FSHR: variants seen among roughly 807,000 people sequenced by gnomAD.
FSHR encodes the protein follicle stimulating hormone receptor, also known as follicle-stimulating hormone receptor.
Under a neutral mutation model 52.1 loss-of-function variants are expected in FSHR, and 46 were observed. That is an observed-to-expected ratio of 0.88 (90% confidence interval 0.70 to 1.13). The LOEUF is 1.13. FSHR is among the 50% of genes most tolerant of loss of function. The probability of loss-of-function intolerance (pLI) is 0.00; values close to 1 mark genes in which losing one functional copy is unlikely to be tolerated. For missense variants in FSHR, 964 were observed against 834.6 expected (o/e 1.16, Z -1.91); for synonymous variants, 399 against 309.6 (o/e 1.29, Z -3.03).
chr2:49,120,234 G>C (rs1037184178), intron 1 of FSHR, among the ~76,000 whole-genome samples: 1 of 152,176 alleles, frequency 6.6e-6, no homozygotes, highest in Non-Finnish European at 1.5e-5. Flanking sequence ...TCATGCCACT[G>C]CACTCCAGCC....
chr2:48,998,390 T>C (rs1274008024), intron 4 of FSHR, among the ~76,000 whole-genome samples: 1 of 152,128 alleles, frequency 6.6e-6, no homozygotes, highest in African/African-American at 2.4e-5. Flanking sequence ...ATATGAAAAC[T>C]CTCATAGTAT....
intron 1 of FSHR, among the ~76,000 whole-genome samples, chr2:49,100,822 AT>A (rs1427772468): frequency 6.6e-6 from 1 of 152,190 alleles, no homozygotes; most frequent in African/African-American, 2.4e-5. Context: ...TTGAGAGAGT[AT>A]TTATAGTGAA....
rs548051915 is a variant in FSHR at position 49,020,744 on chromosome 2, C to G, written c.225-584G>C. Among the ~76,000 whole-genome samples, 37 of 152,286 alleles carry G rather than the reference C, an allele frequency of 2.4e-4. No individual in the cohort carries two copies. In the South Asian group the frequency reaches 6.8e-3, roughly 28 times the overall value. On this transcript the variant is annotated intron_variant, in intron 2 of 9. Transcript: ENST00000406846. ...GTCCTAGATCGTGGAGTTGTTTTCT[C>G]TCTGCTAATCTGGCTTTGAGAGATG... is the stretch of plus-strand genomic sequence containing the variant.
intron 1 of FSHR, among the ~76,000 whole-genome samples, chr2:49,138,519 C>T (rs1056709209): frequency 2.0e-5 from 3 of 152,084 alleles, no homozygotes; most frequent in African/African-American, 7.2e-5. Flanking sequence ...TATTTTTCGA[C>T]CCTTAAAATA....
chr2:49,014,506 G>A (rs562893738), intron 4 of FSHR, among the ~76,000 whole-genome samples: 1 of 152,180 alleles, frequency 6.6e-6, no homozygotes, highest in Admixed American at 6.5e-5. Flanking sequence ...TCTGTCTGGA[G>A]CTGTGCTTTC....
At chr2:49,013,463 A>AATATAT (rs373195880) in intron 4 of FSHR, among the ~76,000 whole-genome samples, 4 of 133,256 alleles carry the variant, frequency 3.0e-5, no homozygotes, top group South Asian at 2.4e-4. Context: ...TATATATATA[A>AATATAT]ATATATATAT....
At chr2:49,092,285 T>TA (rs1670642398) in intron 1 of FSHR, among the ~76,000 whole-genome samples, 1 of 152,170 alleles carries the variant, frequency 6.6e-6, no homozygotes, top group Admixed American at 6.6e-5. Context: ...CATTGCGTGG[T>TA]TTTTCTATGT....
chr2:49,108,176 G>A (rs1671300086), intron 1 of FSHR, among the ~76,000 whole-genome samples: 1 of 151,970 alleles, frequency 6.6e-6, no homozygotes, highest in African/African-American at 2.4e-5. Flanking sequence ...CTGAGACACT[G>A]GTCTTCTCTT....
At chr2:49,121,937 G>A (rs917577396) in intron 1 of FSHR, among the ~76,000 whole-genome samples, 1 of 152,012 alleles carries the variant, frequency 6.6e-6, no homozygotes, top group African/African-American at 2.4e-5. Flanking sequence ...TTATTTATTT[G>A]AGAAAATTGT....
intron 2 of FSHR, among the ~76,000 whole-genome samples, chr2:49,025,339 G>A (rs537497951): frequency 6.6e-6 from 1 of 152,184 alleles, no homozygotes; most frequent in East Asian, 1.9e-4. Flanking sequence ...AACTCAGTGA[G>A]AGTAGTATTC....
chr2:49,108,297 T>A (rs1671303731), intron 1 of FSHR, among the ~76,000 whole-genome samples: 1 of 152,142 alleles, frequency 6.6e-6, no homozygotes, highest in African/African-American at 2.4e-5. Context: ...GATTGTAGAT[T>A]GTGAGACTTC....
At chr2:49,043,450 A>T (rs1247376337) in intron 2 of FSHR, among the ~76,000 whole-genome samples, 1 of 152,160 alleles carries the variant, frequency 6.6e-6, no homozygotes, top group Non-Finnish European at 1.5e-5. Context: ...GCACATATAA[A>T]TCTCACATTT....
intron 1 of FSHR, among the ~76,000 whole-genome samples, chr2:49,100,207 A>T (rs183094840): frequency 6.6e-6 from 1 of 152,274 alleles, no homozygotes; most frequent in Non-Finnish European, 1.5e-5. Flanking sequence ...GCTATATAGA[A>T]GGTGGTAGTG....
chr2:49,099,463 T>C (rs761153331), intron 1 of FSHR, among the ~76,000 whole-genome samples: 6 of 152,140 alleles, frequency 3.9e-5, no homozygotes, highest in Non-Finnish European at 7.4e-5. Flanking sequence ...GTCTCAGGTA[T>C]GTCTTTATTA....
chr2:49,113,262 A>G (rs966756673), intron 1 of FSHR, among the ~76,000 whole-genome samples: 1 of 151,380 alleles, frequency 6.6e-6, no homozygotes, highest in African/African-American at 2.4e-5. Context: ...TGCTTATCTC[A>G]TCGCCAAAAC....
intron 4 of FSHR, among the ~76,000 whole-genome samples, chr2:48,991,732 T>C (rs13416012): frequency 0.11 from 16,757 of 152,206 alleles, 1,154 homozygotes; most frequent in East Asian, 0.28. Flanking sequence ...ATACGAATTA[T>C]TGGACGCATT....
chr2:49,116,227 A>T (rs1671594819), intron 1 of FSHR, among the ~76,000 whole-genome samples: 1 of 152,160 alleles, frequency 6.6e-6, no homozygotes. Flanking sequence ...TTTGTCCTGG[A>T]GGAAAATAGG....
Position 49,057,271 on chromosome 2 carries a change from T to G in FSHR, c.224+10948A>C, listed in dbSNP as rs182463937. On this transcript the variant is annotated intron_variant, in intron 2 of 9. Coordinates refer to ENST00000406846, the MANE Select transcript of FSHR (RefSeq NM_000145.4). ...TAAGCCAAATGAACAAACCATTAGC[T>G]AGACTAAGAAAAAATGGGAGAATAA... is the stretch of plus-strand genomic sequence containing the variant. Among the ~76,000 whole-genome samples the G allele has an allele frequency of 1.1e-4, 16 of 152,074 alleles. No individual in the cohort carries two copies. In the East Asian group the frequency reaches 3.1e-3, roughly 29 times the overall value.
At chr2:48,977,727 T>C (rs1443612068) in intron 8 of FSHR, among the ~76,000 whole-genome samples, 5 of 152,174 alleles carry the variant, frequency 3.3e-5, no homozygotes, top group Non-Finnish European at 4.4e-5. Context: ...TTCACATATA[T>C]TTCTTACCCC....
Sources: gnomAD v4.1 joint callset for allele counts (sites outside exome capture counted in the v4.1 genomes callset) on GRCh38, gnomAD v4.1.1 for gene constraint, MANE v1.5 for transcripts, NCBI Gene and HGNC (gene_info 2026-07-23, HGNC 2026-07-21) for gene names.